AGFG1: variants seen among roughly 807,000 people sequenced by gnomAD.
The protein encoded by AGFG1 is ArfGAP with FG repeats 1.
AGFG1 carries 10 observed loss-of-function variants against 60.6 expected under a neutral mutation model. That is an observed-to-expected ratio of 0.16 (90% CI 0.10 to 0.28). The LOEUF is 0.28. Ranked by LOEUF, AGFG1 falls within the 10% of genes least tolerant of loss-of-function variation. AGFG1 has a pLI of 1.00. For missense variants in AGFG1, 537 were observed against 676.5 expected (o/e 0.79, Z 2.29); for synonymous variants, 247 against 242.9 (o/e 1.02, Z -0.16).
At chr2:227,505,735 T>G (rs188263170) in intron 2 of AGFG1, among the ~76,000 whole-genome samples, 4 of 152,244 alleles carry the variant, frequency 2.6e-5, no homozygotes, top group Admixed American at 2.6e-4. Context: ...ATTTTGTTTT[T>G]TTTGTTTGTT....
intron 6 of AGFG1, chr2:227,531,989 G>A (rs1055440291): frequency 1.9e-5 from 10 of 526,248 alleles, no homozygotes; most frequent in Admixed American, 1.2e-4. Flanking sequence ...TGCTGTTTTC[G>A]TAAACTCATG....
chr2:227,472,580 C>G lies in AGFG1; in HGVS notation c.159C>G (p.Ser53=). 6.4e-7 allele frequency: 1 copy of G among 1,571,710 alleles called. No individual in the cohort carries two copies. Among genetic ancestry groups the G allele is most frequent in the South Asian group, 1.1e-5 (1 of 88,814 alleles). The change falls in exon 1 of 13, where the codon TCC becomes TCG. Residue 53 remains serine (S), a synonymous_variant. Coordinates refer to ENST00000310078, the MANE Select transcript of AGFG1 (RefSeq NM_004504.5). ...GCTCCTTCGTGTGTACCTCCTGCTCCGGCAGCCTGTGAGTGCGGGGCGGCC... is the reference window on the plus strand; with the variant it reads ...GCTCCTTCGTGTGTACCTCCTGCTCGGGCAGCCTGTGAGTGCGGGGCGGCC... ...TVGSFVCTSC[S]GSLRGLNPPH... is the part of the protein sequence containing the mutation.
chr2:227,513,663 C>T (rs527363547), intron 2 of AGFG1, among the ~76,000 whole-genome samples: 1 of 152,314 alleles, frequency 6.6e-6, no homozygotes, highest in East Asian at 1.9e-4. Flanking sequence ...ATTAAACTTC[C>T]TTCAAATTAT....
At position 227,551,942 on chromosome 2, in the gene AGFG1, C is replaced by T. The variant is rs1423340599; in HGVS notation, c.1379-17C>T. ...TATCCTGTTGTATGTAACTGATCAG[C>T]CCTTCTCTTCTGTCAGCGGCAACCT... On this transcript the variant is annotated splice_polypyrimidine_tract_variant and intron_variant, in intron 10 of 12. Transcript: ENST00000310078. 6.2e-7 allele frequency: 1 copy of T among 1,612,914 alleles called. No homozygotes were observed. Among genetic ancestry groups the T allele is most frequent in the Non-Finnish European group, 8.5e-7 (1 of 1,179,324 alleles).
At position 227,555,141 on chromosome 2, in the gene AGFG1, C is replaced by A. The variant is rs903158432; in HGVS notation, c.*646C>A. On this transcript the variant is annotated 3_prime_UTR_variant, in exon 13 of 13. Transcript: ENST00000310078. ...TAAAATATGCTATTGTTTTTGTGTT[C>A]TTGCTGCAATGCCTTTACCAAAGTG... 1.3e-5 allele frequency: 2 copies of A among 152,470 alleles called. No individual in the cohort carries two copies. Among genetic ancestry groups the A allele is most frequent in the Non-Finnish European group, 2.9e-5 (2 of 67,966 alleles). 9.4% of individuals were successfully genotyped at this position (152,470 alleles called of 1,614,324 possible). A position where few individuals can be genotyped will look rare whatever the true frequency, so the allele number is the denominator to read the frequency against.
intron 10 of AGFG1, among the ~76,000 whole-genome samples, chr2:227,541,146 C>T (rs1692480703): frequency 6.6e-6 from 1 of 152,076 alleles, no homozygotes; most frequent in Admixed American, 6.6e-5. Context: ...CTGTAGGTTG[C>T]CTGTTCACTC....
chr2:227,484,684 TTTTG>T (rs1406323117), intron 1 of AGFG1, among the ~76,000 whole-genome samples: 14 of 10,564 alleles, frequency 1.3e-3, no homozygotes, highest in African/African-American at 2.6e-3. Flanking sequence ...TTAGTTTTTT[TTTTG>T]TTTTTTTTTT....
Position 227,537,003 on chromosome 2 carries a change from A to T in AGFG1, c.1378+10A>T. 6.2e-7 allele frequency: 1 copy of T among 1,608,670 alleles called. No homozygotes were observed. Among genetic ancestry groups the T allele is most frequent in the Non-Finnish European group, 8.5e-7 (1 of 1,176,338 alleles). On this transcript the variant is annotated intron_variant, in intron 10 of 12. Coordinates refer to ENST00000310078, the MANE Select transcript of AGFG1 (RefSeq NM_004504.5). ...GCCAGAGGAGCAACAGGTAAGAAAA[A>T]GAGACAGTGGAACAGTAAGTTTTGG...
At chr2:227,547,700 G>A (rs1692694285) in intron 10 of AGFG1, among the ~76,000 whole-genome samples, 1 of 152,220 alleles carries the variant, frequency 6.6e-6, no homozygotes, top group Non-Finnish European at 1.5e-5. Flanking sequence ...GATGAACAAT[G>A]TAAGGAGGTA....
chr2:227,507,768 A>G (rs985811163), intron 2 of AGFG1, among the ~76,000 whole-genome samples: 6 of 152,232 alleles, frequency 3.9e-5, no homozygotes, highest in Non-Finnish European at 7.4e-5. Flanking sequence ...GTGCACCACC[A>G]TTTGTGGTCT....
chr2:227,484,344 C>T (rs530361537), intron 1 of AGFG1, among the ~76,000 whole-genome samples: 1 of 152,022 alleles, frequency 6.6e-6, no homozygotes, highest in South Asian at 2.1e-4. Context: ...TGCCACCACA[C>T]CTGGCTAATT....
chr2:227,517,041 G>GT (rs1691670961), intron 2 of AGFG1, among the ~76,000 whole-genome samples: 2 of 152,200 alleles, frequency 1.3e-5, no homozygotes, highest in African/African-American at 4.8e-5. Context: ...GTAGTTCTTT[G>GT]TAAGTGGCTA....
At chr2:227,513,743 C>T (rs952825392) in intron 2 of AGFG1, among the ~76,000 whole-genome samples, 1 of 152,172 alleles carries the variant, frequency 6.6e-6, no homozygotes, top group African/African-American at 2.4e-5. Context: ...GTTTTAGATT[C>T]TGTCAGTGTC....
intron 6 of AGFG1, among the ~76,000 whole-genome samples, chr2:227,532,659 G>A (rs1294003121): frequency 6.6e-6 from 1 of 151,756 alleles, no homozygotes; most frequent in African/African-American, 2.4e-5. Flanking sequence ...ATTATCTGTA[G>A]TTGTCTTTTC....
At chr2:227,516,344 A>G (rs1035352001) in intron 2 of AGFG1, among the ~76,000 whole-genome samples, 2 of 152,232 alleles carry the variant, frequency 1.3e-5, no homozygotes, top group African/African-American at 4.8e-5. Flanking sequence ...TGGGAATCAC[A>G]TATTGAGAGT....
chr2:227,521,285 T>C (rs1390352646), intron 3 of AGFG1, among the ~76,000 whole-genome samples: 1 of 152,138 alleles, frequency 6.6e-6, no homozygotes, highest in Non-Finnish European at 1.5e-5. Flanking sequence ...CAGGCTGGTC[T>C]TGAACTCCTG....
intron 2 of AGFG1, among the ~76,000 whole-genome samples, chr2:227,494,717 T>A (rs1267308089): frequency 6.6e-6 from 1 of 152,248 alleles, no homozygotes; most frequent in South Asian, 2.1e-4. Flanking sequence ...GGGAAACATC[T>A]GTGTATGGTC....
In AGFG1 at chr2:227,558,572, G is replaced by A. The variant is rs13404414; in HGVS notation, c.*4077G>A. ...TTTTTAAAAGGTGATATTAAAATTTGTATTTAACCTGTTGTATTCATCCTC... is the reference window on the plus strand; with the variant it reads ...TTTTTAAAAGGTGATATTAAAATTTATATTTAACCTGTTGTATTCATCCTC... On this transcript the variant is annotated 3_prime_UTR_variant, in exon 13 of 13. Transcript: ENST00000310078. 7 of 151,918 alleles carry A rather than the reference G, an allele frequency of 4.6e-5. No individual in the cohort carries two copies. Among genetic ancestry groups the A allele is most frequent in the African/African-American group, 9.7e-5 (4 of 41,338 alleles). The allele number at this position is 151,918 out of a possible 1,614,324, so 9.4% of individuals were successfully genotyped here.
chr2:227,532,441 T>G (rs1692191086), intron 6 of AGFG1, among the ~76,000 whole-genome samples: 1 of 152,144 alleles, frequency 6.6e-6, no homozygotes, highest in Non-Finnish European at 1.5e-5. Context: ...ATTTTGAAAG[T>G]TTAGTATGTA....
Sources: allele counts gnomAD v4.1 joint callset (sites outside exome capture counted in the v4.1 genomes callset), GRCh38; gene constraint gnomAD v4.1.1; transcripts MANE v1.5; gene names NCBI Gene and HGNC (gene_info 2026-07-23, HGNC 2026-07-21).